The following CAMSAP1 variants were observed in gnomAD, a reference collection of about 807,000 sequenced individuals.
The protein encoded by CAMSAP1 is calmodulin regulated spectrin associated protein 1.
A neutral mutation model predicts 143.5 loss-of-function variants in CAMSAP1; 58 were observed. The ratio of observed to expected loss-of-function variants is 0.40; its 90% CI spans 0.33 to 0.50. The LOEUF (loss-of-function observed/expected upper bound fraction) is 0.50, where lower values mean the gene tolerates loss of function less well. Ranked by LOEUF, CAMSAP1 falls within the 20% of genes least tolerant of loss-of-function variation. The pLI, the probability that CAMSAP1 is intolerant of heterozygous loss-of-function variation, is 0.45. For synonymous variants in CAMSAP1, 945 were observed against 859.3 expected (o/e 1.10, Z -1.74); for missense variants, 1,969 against 2,115.7 (o/e 0.93, Z 1.36).
Position 135,818,686 on chromosome 9 carries a change from T to C in CAMSAP1, c.3960-70A>G. 1 of 1,526,684 alleles carries C rather than the reference T, an allele frequency of 6.6e-7. No homozygotes were observed. The highest frequency in any genetic ancestry group is 1.8e-5 in the Admixed American group (1 of 55,226). The allele number at this position is 1,526,684 out of a possible 1,614,324, so 94.6% of individuals were successfully genotyped here. ...TTCCACGACGCCTGCGCCGCGGCGC[T>C]CTGTCCAGGCGCGTTTCTCGGGTTC... On this transcript the variant is annotated intron_variant, in intron 12 of 16. Transcript: ENST00000389532. The surrounding 1 kb of genome is among the most constrained non-coding windows in gnomAD (Gnocchi z 7.7).
chr9:135,895,110 C>T (rs550913932), intron 1 of CAMSAP1, among the ~76,000 whole-genome samples: 25 of 152,138 alleles, frequency 1.6e-4, no homozygotes, highest in African/African-American at 5.3e-4. Context: ...CCAAGACCTG[C>T]GGGAGAATAA....
intron 1 of CAMSAP1, among the ~76,000 whole-genome samples, chr9:135,893,553 A>G (rs1363276204): frequency 5.9e-5 from 9 of 152,236 alleles, no homozygotes; most frequent in Admixed American, 5.9e-4. Flanking sequence ...TGAGTGAAGA[A>G]CAATGAGACA....
At chr9:135,881,935 G>A in intron 2 of CAMSAP1, 141 bp from the exon 3 acceptor site, 3 of 1,007,364 alleles carry the variant, frequency 3.0e-6, no homozygotes, top group Admixed American at 5.0e-5. Flanking sequence ...ACTCAGATTT[G>A]AGACCTGCCT....
intron 5 of CAMSAP1, among the ~76,000 whole-genome samples, chr9:135,857,065 CCA>C (rs1249838077): frequency 2.0e-5 from 3 of 152,174 alleles, no homozygotes; most frequent in Non-Finnish European, 4.4e-5. Context: ...CTTGGTCTCT[CCA>C]CAGTTATTTG....
chr9:135,881,891 T>A, intron 2 of CAMSAP1, 97 bp from the exon 3 acceptor site: 1 of 1,410,202 alleles, frequency 7.1e-7, no homozygotes, highest in Admixed American at 2.1e-5. Context: ...CTGGCCTAAT[T>A]TCTTCATCCC....
intron 7 of CAMSAP1, among the ~76,000 whole-genome samples, chr9:135,848,316 CGTT>C (rs1836650185): frequency 6.6e-6 from 1 of 151,972 alleles, no homozygotes; most frequent in Non-Finnish European, 1.5e-5. Flanking sequence ...AGCTTTTTGT[CGTT>C]ATTCTTTCTT....
At chr9:135,814,587 C>T (rs967298247) in intron 16 of CAMSAP1, among the ~76,000 whole-genome samples, 2 of 152,318 alleles carry the variant, frequency 1.3e-5, no homozygotes, top group Middle Eastern at 3.4e-3. Context: ...TCCACACGCT[C>T]AGCGGGTGCG....
At chr9:135,814,463 C>T (rs1307501844) in intron 16 of CAMSAP1, among the ~76,000 whole-genome samples, 1 of 152,228 alleles carries the variant, frequency 6.6e-6, no homozygotes, top group East Asian at 1.9e-4. Context: ...GCTCTGCCTC[C>T]TCTCCCCTGG....
At chr9:135,900,356 T>A (rs1838578439) in intron 1 of CAMSAP1, among the ~76,000 whole-genome samples, 2 of 151,994 alleles carry the variant, frequency 1.3e-5, no homozygotes, top group South Asian at 4.1e-4. Flanking sequence ...CTAGTTGAGT[T>A]TGAAGTGATG....
intron 5 of CAMSAP1, among the ~76,000 whole-genome samples, chr9:135,853,778 G>A (rs1396037125): frequency 3.3e-5 from 5 of 152,162 alleles, no homozygotes; most frequent in East Asian, 1.9e-4. Flanking sequence ...AACCCGCTCC[G>A]TCAGGACACA....
chr9:135,852,368 C>A (rs1588474355), intron 5 of CAMSAP1, among the ~76,000 whole-genome samples: 2 of 152,186 alleles, frequency 1.3e-5, no homozygotes, highest in Admixed American at 1.3e-4. Flanking sequence ...ATTTAACAAT[C>A]TTTTCTATTT....
At chr9:135,849,738 C>A (rs1440511245) in intron 7 of CAMSAP1, 2 of 154,448 alleles carry the variant, frequency 1.3e-5, no homozygotes, top group Non-Finnish European at 2.9e-5. Flanking sequence ...CTAATATTTT[C>A]ATATTCTTTG....
intron 5 of CAMSAP1, among the ~76,000 whole-genome samples, chr9:135,857,738 C>A (rs1386272146): frequency 6.6e-6 from 1 of 152,178 alleles, no homozygotes; most frequent in Non-Finnish European, 1.5e-5. Flanking sequence ...AAGAATCCTT[C>A]CCTGTGTTGC....
chr9:135,845,998 C>T (rs1362341718), intron 7 of CAMSAP1, among the ~76,000 whole-genome samples: 1 of 132,218 alleles, frequency 7.6e-6, no homozygotes, highest in Non-Finnish European at 1.6e-5. Flanking sequence ...ACTTTCTTCA[C>T]AGAATTTTAA....
chr9:135,828,436 T>A (rs1191278728), intron 7 of CAMSAP1, among the ~76,000 whole-genome samples: 1 of 152,182 alleles, frequency 6.6e-6, no homozygotes, highest in Admixed American at 6.5e-5. Context: ...CAGCAACATG[T>A]GACCAAAAGC....
intron 1 of CAMSAP1, 82 bp from the exon 2 acceptor site, chr9:135,883,160 T>C (rs1838014274): frequency 6.9e-7 from 1 of 1,450,336 alleles, no homozygotes; most frequent in African/African-American, 1.4e-5. Context: ...GAACTATGAC[T>C]GTGCCACTGT....
chr9:135,812,794 C>T (rs1250340076), intron 16 of CAMSAP1, among the ~76,000 whole-genome samples: 1 of 152,116 alleles, frequency 6.6e-6, no homozygotes, highest in Non-Finnish European at 1.5e-5. Context: ...TATGGTGAAA[C>T]CCCATCTCTA....
At chr9:135,905,263 G>A (rs1170382319) in intron 1 of CAMSAP1, among the ~76,000 whole-genome samples, 2 of 152,172 alleles carry the variant, frequency 1.3e-5, no homozygotes, top group South Asian at 2.1e-4. Context: ...AGAGACACGC[G>A]TACTTATTTC....
intron 7 of CAMSAP1, among the ~76,000 whole-genome samples, chr9:135,835,896 C>T (rs916081891): frequency 6.6e-6 from 1 of 152,226 alleles, no homozygotes; most frequent in Non-Finnish European, 1.5e-5. Context: ...AGGAGAATCA[C>T]TTGAACCCAG....
Sources: gnomAD v4.1 joint callset for allele counts (sites outside exome capture counted in the v4.1 genomes callset) on GRCh38, gnomAD v4.1.1 for gene constraint, Gnocchi (gnomAD v3.1) non-coding constraint, MANE v1.5 for transcripts, NCBI Gene and HGNC (gene_info 2026-07-23, HGNC 2026-07-21) for gene names.